INVS: variants seen among roughly 807,000 people sequenced by gnomAD.
INVS encodes the protein inversion of embryo turning homolog.
In INVS, 86 loss-of-function variants were observed where a neutral mutation model predicts 108.8. The observed-to-expected ratio is 0.79, with a 90% CI of 0.66 to 0.95. INVS has a LOEUF of 0.95. INVS is among the 40% of genes least tolerant of loss of function. The pLI is 0.00. For missense variants in INVS, 1,169 were observed against 1,297.4 expected (o/e 0.90, Z 1.52); for synonymous variants, 455 against 473.5 (o/e 0.96, Z 0.51).
intron 2 of INVS, among the ~76,000 whole-genome samples, chr9:100,105,850 CTTTTT>C (rs543070811): frequency 1.1e-4 from 7 of 63,800 alleles, no homozygotes; most frequent in East Asian, 1.5e-3. Context: ...GAAAAATTCC[CTTTTT>C]TTTTTTTTTT....
intron 3 of INVS, among the ~76,000 whole-genome samples, chr9:100,167,581 C>T (rs560764713): frequency 6.6e-6 from 1 of 152,294 alleles, no homozygotes; most frequent in East Asian, 1.9e-4. Flanking sequence ...ATTGTATTCT[C>T]CCTACTCTGC....
At chr9:100,237,133 C>A (rs949000896) in intron 5 of INVS, among the ~76,000 whole-genome samples, 2 of 152,204 alleles carry the variant, frequency 1.3e-5, no homozygotes, top group African/African-American at 4.8e-5. Context: ...TCAGTTCAAA[C>A]TTCTTGGAGG....
At chr9:100,241,435 C>T (rs1831868343) in intron 6 of INVS, among the ~76,000 whole-genome samples, 1 of 151,810 alleles carries the variant, frequency 6.6e-6, no homozygotes, top group African/African-American at 2.4e-5. Flanking sequence ...TTTCATTTCA[C>T]TCTGTTTTCT....
In INVS at chr9:100,265,261, T is replaced by A. The variant is rs181923098; in HGVS notation, c.1571+333T>A. Among the ~76,000 whole-genome samples, 122 of 152,116 alleles carry A rather than the reference T, an allele frequency of 8.0e-4. 1 individual carries two copies. The highest frequency in any genetic ancestry group is 3.4e-3 in the Middle Eastern group (1 of 294). On this transcript the variant is annotated intron_variant, in intron 11 of 16. Coordinates refer to ENST00000262457, the MANE Select transcript of INVS (RefSeq NM_014425.5). ...CCCAGCCAAGTTGTTGACTTTTTTT[T>A]AAAAAAAGTGCTCTTTATCATACAT...
chr9:100,197,344 G>A (rs1830408675), intron 3 of INVS, among the ~76,000 whole-genome samples: 1 of 152,186 alleles, frequency 6.6e-6, no homozygotes, highest in South Asian at 2.1e-4. Context: ...AGGTTGAGGC[G>A]AGAGGATCCC....
chr9:100,269,530 C>T (rs2118651536), intron 11 of INVS, among the ~76,000 whole-genome samples: 1 of 152,228 alleles, frequency 6.6e-6, no homozygotes, highest in South Asian at 2.1e-4. Context: ...GGTTTCTTCC[C>T]AAACTCAGTT....
chr9:100,234,653 G>C (rs1159850696), intron 5 of INVS, among the ~76,000 whole-genome samples: 2 of 152,134 alleles, frequency 1.3e-5, no homozygotes, highest in African/African-American at 4.8e-5. Flanking sequence ...AGGTTGTTCA[G>C]TTTCCATGTA....
chr9:100,209,030 G>T (rs1004987516), intron 3 of INVS, among the ~76,000 whole-genome samples: 16 of 152,060 alleles, frequency 1.1e-4, no homozygotes, highest in Admixed American at 7.9e-4. Flanking sequence ...CCAATGAAGT[G>T]CCCAGATCTG....
At chr9:100,159,378 A>T (rs1281237506) in intron 3 of INVS, among the ~76,000 whole-genome samples, 1 of 152,242 alleles carries the variant, frequency 6.6e-6, no homozygotes, top group Non-Finnish European at 1.5e-5. Flanking sequence ...TGACATACAG[A>T]TAGTCAATGG....
Position 100,300,748 on chromosome 9 carries a change from CT to C in INVS, c.*78del. The C allele has an allele frequency of 9.7e-7, 1 of 1,033,894 alleles. No homozygotes were observed. The highest frequency in any genetic ancestry group is 1.5e-6 in the Non-Finnish European group (1 of 668,472). 64.0% of individuals were successfully genotyped at this position (1,033,894 alleles called of 1,614,324 possible). On this transcript the variant is annotated 3_prime_UTR_variant, in exon 17 of 17. Coordinates refer to ENST00000262457, the MANE Select transcript of INVS (RefSeq NM_014425.5). ...AGAGTTCAGATTTTCTGCTGATAAT[CT>C]TTTACACCTTGGGAAAACTTTAATA...
intron 2 of INVS, among the ~76,000 whole-genome samples, chr9:100,119,498 G>A (rs1827656504): frequency 6.6e-6 from 1 of 152,242 alleles, no homozygotes; most frequent in Admixed American, 6.5e-5. Flanking sequence ...CTGCAGTCAA[G>A]GCGTCAGCCA....
chr9:100,212,959 G>A lies in INVS; in HGVS notation c.274-13103G>A, dbSNP rs536276589. 8.5e-5 allele frequency among the ~76,000 whole-genome samples: 13 copies of A among 152,212 alleles called. No homozygotes were observed. The South Asian group carries it at 2.7e-3, about 32-fold the overall frequency. On this transcript the variant is annotated intron_variant, in intron 3 of 16. Transcript: ENST00000262457. ...TTTATTTCTCACAGTTCTGGAGGCT[G>A]GAGAGTCCAAGATCAAGGCACCAGC...
intron 2 of INVS, chr9:100,117,683 G>A (rs1242813249): frequency 6.8e-6 from 4 of 586,736 alleles, no homozygotes; most frequent in South Asian, 4.1e-5. Context: ...AGCAGTTATA[G>A]GTTTTAGATT....
At chr9:100,292,281 C>G (rs1833641696) in intron 13 of INVS, 45 bp from the exon 14 acceptor site, 4 of 1,515,588 alleles carry the variant, frequency 2.6e-6, no homozygotes, top group Non-Finnish European at 3.7e-6. Flanking sequence ...GAAAATTATC[C>G]TACTCTGCAA....
At chr9:100,205,304 T>A (rs1007107894) in intron 3 of INVS, among the ~76,000 whole-genome samples, 1 of 152,172 alleles carries the variant, frequency 6.6e-6, no homozygotes, top group African/African-American at 2.4e-5. Context: ...TTCTCAGGTT[T>A]CTGACATATC....
At chr9:100,213,207 G>A (rs1160304973) in intron 3 of INVS, among the ~76,000 whole-genome samples, 1 of 129,010 alleles carries the variant, frequency 7.8e-6, no homozygotes, top group Non-Finnish European at 1.6e-5. Flanking sequence ...AATTGGGGGG[G>A]TTTGGGGGTT....
chr9:100,113,828 C>G (rs1192713609), intron 2 of INVS, among the ~76,000 whole-genome samples: 2 of 152,104 alleles, frequency 1.3e-5, no homozygotes, highest in African/African-American at 4.8e-5. Context: ...AAACTTATTC[C>G]TTATATCTAA....
At chr9:100,267,035 A>AG (rs1832814641) in intron 11 of INVS, among the ~76,000 whole-genome samples, 8 of 151,126 alleles carry the variant, frequency 5.3e-5, no homozygotes, top group South Asian at 4.2e-4. Context: ...AAAAAAAAAA[A>AG]AAAAAAAAGA....
rs59090085 is a variant in INVS at position 100,220,974 on chromosome 9, CA to C, written c.274-5074del. Among the ~76,000 whole-genome samples, 285 of 140,806 alleles carry C rather than the reference CA, an allele frequency of 2.0e-3. 3 individuals are homozygous for C. The South Asian group carries it at 0.034, about 17-fold the overall frequency. 92.4% of individuals were successfully genotyped at this position (140,806 alleles called of 152,430 possible). ...TGGGCAACAGAGCAAGACTCTGTCC[CA>C]AAAAAAAAAAAAATAGATTAACTTC... On this transcript the variant is annotated intron_variant, in intron 3 of 16. Coordinates refer to ENST00000262457, the MANE Select transcript of INVS (RefSeq NM_014425.5).
Sources: allele counts gnomAD v4.1 joint callset (sites outside exome capture counted in the v4.1 genomes callset), GRCh38; gene constraint gnomAD v4.1.1; transcripts MANE v1.5; gene names NCBI Gene and HGNC (gene_info 2026-07-23, HGNC 2026-07-21).